Variants in DTD2 observed in about 807,000 individuals in gnomAD.
DTD2 encodes D-tyrosyl-tRNA deacylase 2 (putative).
A neutral mutation model predicts 15.5 loss-of-function variants in DTD2; 12 were observed. The ratio of observed to expected loss-of-function variants is 0.77; its 90% confidence interval spans 0.50 to 1.25. The LOEUF (loss-of-function observed/expected upper bound fraction) is 1.25. Ranked by LOEUF, DTD2 falls within the 50% of genes most tolerant of loss-of-function variation. The pLI, the probability that DTD2 is intolerant of heterozygous loss-of-function variation, is 0.00. For missense variants in DTD2, 170 were observed against 201.1 expected (o/e 0.85, Z 0.93); for synonymous variants, 59 against 77.3 (o/e 0.76, Z 1.24).
In DTD2 at chr14:31,447,957, G is replaced by T. The variant is rs918054285; in HGVS notation, c.*172C>A. 2 of 579,850 alleles carry T rather than the reference G, an allele frequency of 3.4e-6. No individual in the cohort carries two copies. Among genetic ancestry groups the T allele is most frequent in the African/African-American group, 3.8e-5 (2 of 52,928 alleles). The allele number at this position is 579,850 out of a possible 1,614,324, so 35.9% of individuals were successfully genotyped here. ...AAGGTGACTGAGATCCAGAGTTTAG[G>T]TGACTTGGCAAAGTCATCCAATTAG... On this transcript the variant is annotated 3_prime_UTR_variant, in exon 3 of 3. Transcript: ENST00000310850.
chr14:31,456,914 ATGAACTCT>A lies in DTD2; in HGVS notation c.111+361_111+368del. The A allele has an allele frequency of 1.3e-5, 3 of 231,274 alleles. No homozygotes were observed. In the South Asian group the frequency reaches 2.0e-4, roughly 15 times the overall value. 14.3% of individuals were successfully genotyped at this position (231,274 alleles called of 1,614,324 possible). On this transcript the variant is annotated intron_variant, in intron 1 of 2. Transcript: ENST00000310850. ...TCTGAGGCGTAAGTCAAAGCAGATC[ATGAACTCT>A]TGCAGCAAACCTGACCTACAAGCTT...
At chr14:31,457,203 A>G in intron 1 of DTD2, 80 bp downstream of exon 1, 2 of 1,301,174 alleles carry the variant, frequency 1.5e-6, no homozygotes, top group Non-Finnish European at 2.1e-6. Context: ...GGAGACACAG[A>G]GCGGACGAGT....
chr14:31,449,877 C>T (rs1361151870), intron 2 of DTD2, among the ~76,000 whole-genome samples: 2 of 152,222 alleles, frequency 1.3e-5, no homozygotes, highest in Non-Finnish European at 2.9e-5. Context: ...CTCTACAAAT[C>T]ATGGAATTAA....
At position 31,446,517 on chromosome 14, in the gene DTD2, AGGACT is replaced by A. The variant is rs2031960437; in HGVS notation, c.*1607_*1611del. ...TCAGACTGCCCTAACAAAATACCATAGGACTGGGTGGTTTAAACACCAGAAATTTA... is the reference window on the plus strand; with the variant it reads ...TCAGACTGCCCTAACAAAATACCATAGGGTGGTTTAAACACCAGAAATTTA... On this transcript the variant is annotated 3_prime_UTR_variant, in exon 3 of 3. Coordinates refer to ENST00000310850, the MANE Select transcript of DTD2 (RefSeq NM_080664.3). The A allele has an allele frequency of 6.6e-6, 1 of 152,196 alleles. No homozygotes were observed. The highest frequency in any genetic ancestry group is 2.1e-4 in the South Asian group (1 of 4,834). 9.4% of individuals were successfully genotyped at this position (152,196 alleles called of 1,614,324 possible).
chr14:31,447,334 G>C lies in DTD2; in HGVS notation c.*795C>G, dbSNP rs1388988149. 2.0e-5 allele frequency: 3 copies of C among 151,966 alleles called. No individual in the cohort carries two copies. The highest frequency in any genetic ancestry group is 6.6e-5 in the Admixed American group (1 of 15,242). The allele number at this position is 151,966 out of a possible 1,614,324, so 9.4% of individuals were successfully genotyped here. A position where few individuals can be genotyped will look rare whatever the true frequency, so the allele number is the denominator to read the frequency against. On this transcript the variant is annotated 3_prime_UTR_variant, in exon 3 of 3. Coordinates refer to ENST00000310850, the MANE Select transcript of DTD2 (RefSeq NM_080664.3). ...TAAAAGAAATGGTGACTTACATATG[G>C]AAATACAGAAAACTGAAATAGTAAA... is the stretch of plus-strand genomic sequence containing the variant.
chr14:31,450,371 T>A (rs572152753), intron 2 of DTD2, among the ~76,000 whole-genome samples: 1 of 152,234 alleles, frequency 6.6e-6, no homozygotes, highest in South Asian at 2.1e-4. Context: ...TAATGATGTA[T>A]AGGAGATGTT....
chr14:31,452,911 T>C (rs2032053657), intron 2 of DTD2: 1 of 156,748 alleles, frequency 6.4e-6, no homozygotes, highest in African/African-American at 2.4e-5. Context: ...TCGGGTTCAT[T>C]TGTCTATTAC....
At position 31,447,836 on chromosome 14, in the gene DTD2, CA is replaced by C; in HGVS notation, c.*292del. The C allele has an allele frequency of 4.1e-6, 1 of 246,850 alleles. No individual in the cohort carries two copies. Among genetic ancestry groups the C allele is most frequent in the Non-Finnish European group, 7.7e-6 (1 of 130,520 alleles). The allele number at this position is 246,850 out of a possible 1,614,324, so 15.3% of individuals were successfully genotyped here. On this transcript the variant is annotated 3_prime_UTR_variant, in exon 3 of 3. Coordinates refer to ENST00000310850, the MANE Select transcript of DTD2 (RefSeq NM_080664.3). ...CTCCATCTCAAAAAAAAAACAAAAA[CA>C]AAAAAACAATTAAGAACATTTCCTT...
intron 2 of DTD2, chr14:31,452,260 T>C (rs2032044021): frequency 6.6e-6 from 1 of 152,228 alleles, no homozygotes; most frequent in South Asian, 2.1e-4. Context: ...ACCCACATCT[T>C]GTATATACAG....
At chr14:31,455,115 TGATAGTTTG>T (rs1221786261) in intron 1 of DTD2, among the ~76,000 whole-genome samples, 1 of 152,190 alleles carries the variant, frequency 6.6e-6, no homozygotes, top group Non-Finnish European at 1.5e-5. Flanking sequence ...AAACACAAAC[TGATAGTTTG>T]GATGCCAGCA....
chr14:31,451,717 C>T (rs751975467), intron 2 of DTD2, among the ~76,000 whole-genome samples: 4 of 152,144 alleles, frequency 2.6e-5, no homozygotes, highest in Non-Finnish European at 5.9e-5. Context: ...CCTTGAAGCT[C>T]TTCTAGGTTT....
Position 31,457,503 on chromosome 14 carries a change from G to T in DTD2, c.-110C>A, listed in dbSNP as rs868086241. 1.2e-4 allele frequency: 88 copies of T among 762,800 alleles called. 1 individual carries two copies. In the Middle Eastern group the frequency reaches 1.2e-3, roughly 10 times the overall value. 47.3% of individuals were successfully genotyped at this position (762,800 alleles called of 1,614,324 possible). A position where few individuals can be genotyped will look rare whatever the true frequency, so the allele number is the denominator to read the frequency against. On this transcript the variant is annotated 5_prime_UTR_variant, in exon 1 of 3. Transcript: ENST00000310850. ...CGGGGCACGACGAAGGGCCTGCGCCGATTGCCCAGTGGCCCCGCCCTTAGG... is the reference window on the plus strand; with the variant it reads ...CGGGGCACGACGAAGGGCCTGCGCCTATTGCCCAGTGGCCCCGCCCTTAGG...
rs762142726 is a variant in DTD2, at chr14:31,448,263, G to C, written c.373C>G (p.Leu125Val). The change falls in exon 3 of 3, where the codon CTA becomes GTA. Residue 125 changes from leucine to valine, a missense_variant. By Grantham distance (32) the Leu-to-Val change is conservative (BLOSUM62 1). Transcript: ENST00000310850. ...TTAGCAGCTACTTCTTTTTCACATAGAGTCACAAATTGAGAGTAAAGTTCA... is the reference window on the plus strand; with the variant it reads ...TTAGCAGCTACTTCTTTTTCACATACAGTCACAAATTGAGAGTAAAGTTCA... Reference protein sequence around the residue: ...GFELYSQFVTLCEKEVAANSK... With the variant: ...GFELYSQFVTVCEKEVAANSK... 1 of 1,614,140 alleles carries C rather than the reference G, an allele frequency of 6.2e-7. No homozygotes were observed.
chr14:31,453,023 G>A (rs553497743), intron 2 of DTD2: 25 of 276,748 alleles, frequency 9.0e-5, no homozygotes, highest in East Asian at 2.7e-4. Flanking sequence ...CTGCAGCCTC[G>A]ACCTCCTGGC....
intron 2 of DTD2, among the ~76,000 whole-genome samples, chr14:31,449,667 A>C (rs1268417395): frequency 6.6e-6 from 1 of 152,212 alleles, no homozygotes; most frequent in Non-Finnish European, 1.5e-5. Flanking sequence ...AAATAGACCT[A>C]GGGTCTCCCT....
intron 2 of DTD2, among the ~76,000 whole-genome samples, chr14:31,449,865 C>T (rs1011470566): frequency 1.3e-5 from 2 of 152,214 alleles, no homozygotes; most frequent in Non-Finnish European, 2.9e-5. Context: ...ATGGTTACCC[C>T]TCTCTACAAA....
Position 31,448,222 on chromosome 14 carries a change from T to G in DTD2, c.414A>C (p.Glu138Asp). The change falls in exon 3 of 3, where the codon GAA becomes GAC. Residue 138 changes from glutamate (E) to aspartate (D), a missense_variant. Transcript: ENST00000310850. The part of the protein sequence containing the change: ...KEVAANSKCA[E>D]ARVVVEHGTY... ...TGCCATGTTCCACTACAACCCTAGC[T>G]TCAGCACACTTGCTATTAGCAGCTA... 1 of 1,614,240 alleles carries G rather than the reference T, an allele frequency of 6.2e-7. No homozygotes were observed. Among genetic ancestry groups the G allele is most frequent in the Non-Finnish European group, 8.5e-7 (1 of 1,180,042 alleles).
chr14:31,446,731 C>T lies in DTD2; in HGVS notation c.*1398G>A, dbSNP rs189198338. On this transcript the variant is annotated 3_prime_UTR_variant, in exon 3 of 3. Transcript: ENST00000310850. ...AATTTTGGGGACGGGAACATCTAGT[C>T]CAAAACATTCACTAACAGAAAAATT... 2.4e-4 allele frequency: 37 copies of T among 152,286 alleles called. No individual in the cohort carries two copies. The highest frequency in any genetic ancestry group is 8.7e-4 in the African/African-American group (36 of 41,542). The allele number at this position is 152,286 out of a possible 1,614,324, so 9.4% of individuals were successfully genotyped here. A position where few individuals can be genotyped will look rare whatever the true frequency, so the allele number is the denominator to read the frequency against.
At chr14:31,453,947 T>C (rs1055004494) in intron 1 of DTD2, among the ~76,000 whole-genome samples, 1 of 152,226 alleles carries the variant, frequency 6.6e-6, no homozygotes, top group African/African-American at 2.4e-5. Context: ...AAATTCTACA[T>C]TAAAAGGTTG....
Sources: allele counts gnomAD v4.1 joint callset (sites outside exome capture counted in the v4.1 genomes callset), GRCh38; gene constraint gnomAD v4.1.1; transcripts MANE v1.5; gene names NCBI Gene and HGNC (gene_info 2026-07-23, HGNC 2026-07-21).